Variants in DHX37 observed in about 807,000 individuals in gnomAD.
The protein encoded by DHX37 is DEAH-box helicase 37.
In DHX37, 52 loss-of-function variants were observed where a neutral mutation model predicts 134.3. That is an observed-to-expected ratio of 0.39 (90% CI 0.31 to 0.49). DHX37 has a LOEUF of 0.49. Ranked by LOEUF, DHX37 falls within the 20% of genes least tolerant of loss-of-function variation. The probability of loss-of-function intolerance (pLI) is 0.93; values close to 1 mark genes in which losing one functional copy is unlikely to be tolerated. For missense variants in DHX37, 1,344 were observed against 1,580.8 expected (o/e 0.85, Z 2.54); for synonymous variants, 634 against 670.7 (o/e 0.95, Z 0.85).
intron 6 of DHX37, 99 bp from the exon 7 acceptor site, chr12:124,972,698 G>T: frequency 8.3e-7 from 1 of 1,197,678 alleles, no homozygotes; most frequent in Non-Finnish European, 1.2e-6. Context: ...CAGGCGGCTT[G>T]AGGGCAGGGC....
intron 8 of DHX37, among the ~76,000 whole-genome samples, chr12:124,969,437 A>C (rs907930933): frequency 6.6e-6 from 1 of 152,086 alleles, no homozygotes; most frequent in Non-Finnish European, 1.5e-5. Flanking sequence ...CGAAACCCCA[A>C]ACCCAGAAGC....
chr12:124,968,239 T>A (rs1362344219), intron 10 of DHX37, among the ~76,000 whole-genome samples: 1 of 152,150 alleles, frequency 6.6e-6, no homozygotes, highest in Non-Finnish European at 1.5e-5. Context: ...CCCGTTCCCC[T>A]ACAGTGTCTA....
rs761844194 is a variant in DHX37 at position 124,965,680 on chromosome 12, C to T, written c.1723G>A (p.Gly575Arg). The change falls in exon 13 of 27, where the codon GGG becomes AGG. Residue 575 changes from glycine (G) to arginine (R), a missense_variant. Around this residue, in one of 7 missense-constraint regions of DHX37, gnomAD observed 289 missense variants for 323.8 expected, o/e 0.89. Coordinates refer to ENST00000308736, the MANE Select transcript of DHX37 (RefSeq NM_032656.4). The stretch of plus-strand genomic sequence containing the variant: ...GCTCGGGCCACACCTCCATCTTGCC[C>T]GCCATCCCCCAGGTCCAGATCGAGG... Reference protein sequence around the residue: ...SDLDLDLGDGGQDGGEQPDAS... With the variant: ...SDLDLDLGDGRQDGGEQPDAS... 6.8e-6 allele frequency: 11 copies of T among 1,608,216 alleles called. No individual in the cohort carries two copies. The highest frequency in any genetic ancestry group is 1.7e-5 in the Admixed American group (1 of 59,520).
chr12:124,953,752 G>A, intron 20 of DHX37, 128 bp downstream of exon 20: 2 of 1,415,152 alleles, frequency 1.4e-6, no homozygotes, highest in South Asian at 1.4e-5. Context: ...TTGATTTAGG[G>A]TTATAAATAC....
Position 124,980,201 on chromosome 12 carries a change from C to A in DHX37, c.738+289G>T, listed in dbSNP as rs139471653. 7.9e-5 allele frequency among the ~76,000 whole-genome samples: 12 copies of A among 152,350 alleles called. No individual in the cohort carries two copies. The highest frequency in any genetic ancestry group is 2.9e-4 in the African/African-American group (12 of 41,594). On this transcript the variant is annotated intron_variant, in intron 4 of 26. Coordinates refer to ENST00000308736, the MANE Select transcript of DHX37 (RefSeq NM_032656.4). The surrounding 1 kb of genome is among the most constrained non-coding windows in gnomAD (Gnocchi z 5.3). ...AAACTCTTGTCTGGATCGGGGCAGCCCAGGCCAGGCCCGCTGGTCAGAGGG... is the reference window on the plus strand; with the variant it reads ...AAACTCTTGTCTGGATCGGGGCAGCACAGGCCAGGCCCGCTGGTCAGAGGG...
chr12:124,963,370 G>A (rs993308331), intron 15 of DHX37, among the ~76,000 whole-genome samples: 3 of 152,290 alleles, frequency 2.0e-5, no homozygotes, highest in East Asian at 3.9e-4. Context: ...AAGAAGGGGG[G>A]TGACTGCAGT....
rs775112969 is a variant in DHX37, at chr12:124,986,081, C to T, written c.276+15G>A. On this transcript the variant is annotated intron_variant, in intron 2 of 26. Transcript: ENST00000308736. ...CTGGAGAGCCACTTGCAGACCCTGC[C>T]CGAGTGGGGTGTACCTGGCTCTTTT... 6 of 1,612,878 alleles carry T rather than the reference C, an allele frequency of 3.7e-6. No homozygotes were observed. The Admixed American group carries it at 1.0e-4, about 27-fold the overall frequency.
At chr12:124,967,009 AG>A (rs1249790503) in intron 11 of DHX37, 113 bp downstream of exon 11, 1 of 1,531,710 alleles carries the variant, frequency 6.5e-7, no homozygotes, top group Admixed American at 1.7e-5. Flanking sequence ...GGGATGGCAA[AG>A]GTGCTGATGC....
intron 6 of DHX37, among the ~76,000 whole-genome samples, chr12:124,975,037 A>G (rs1446032119): frequency 2.0e-5 from 3 of 152,106 alleles, no homozygotes; most frequent in Non-Finnish European, 4.4e-5. Flanking sequence ...TGGCCTCCCA[A>G]AGCGCTGGAA....
intron 4 of DHX37, among the ~76,000 whole-genome samples, chr12:124,979,228 C>T (rs1594508486): frequency 6.6e-6 from 1 of 152,088 alleles, no homozygotes; most frequent in South Asian, 2.1e-4. Flanking sequence ...GTTAGCCAAG[C>T]GTAGTAGCGT....
At chr12:124,954,019 GCTCT>G (rs765729465) in intron 19 of DHX37, 23 bp from the exon 20 acceptor site, 2 of 1,613,518 alleles carry the variant, frequency 1.2e-6, no homozygotes, top group Non-Finnish European at 1.7e-6. Context: ...GAGGGGGCAT[GCTCT>G]CTCTCTGACC....
chr12:124,977,753 G>C (rs374091567), intron 4 of DHX37, among the ~76,000 whole-genome samples: 1 of 152,296 alleles, frequency 6.6e-6, no homozygotes, highest in East Asian at 1.9e-4. Context: ...GGGAACCCTC[G>C]GCTGTTGCTG....
intron 15 of DHX37, 148 bp downstream of exon 15, chr12:124,964,246 G>A (rs915661288): frequency 8.8e-7 from 1 of 1,130,806 alleles, no homozygotes; most frequent in Non-Finnish European, 1.2e-6. Flanking sequence ...GCCAGCAAAA[G>A]GGCTGGGGAG....
chr12:124,960,200 A>G, intron 16 of DHX37, 112 bp downstream of exon 16: 1 of 1,500,638 alleles, frequency 6.7e-7, no homozygotes, highest in Non-Finnish European at 8.9e-7. Context: ...CTGTTGTGTA[A>G]GCAGCTGCCG....
At chr12:124,967,656 G>A (rs1488091108) in intron 10 of DHX37, among the ~76,000 whole-genome samples, 3 of 152,224 alleles carry the variant, frequency 2.0e-5, no homozygotes, top group Non-Finnish European at 4.4e-5. Context: ...AGAGCATCAC[G>A]AAGCAGCAAC....
chr12:124,964,703 G>A, intron 14 of DHX37, 77 bp from the exon 15 acceptor site: 1 of 1,571,428 alleles, frequency 6.4e-7, no homozygotes, highest in Non-Finnish European at 8.6e-7. Context: ...CAAGGACAAA[G>A]CCAGCCAGGC....
Position 124,966,686 on chromosome 12 carries a change from T to C in DHX37, c.1590+107A>G, listed in dbSNP as rs181152757. On this transcript the variant is annotated intron_variant, in intron 12 of 26. Transcript: ENST00000308736. ...ACCAGGAACTGGATTTTTAACTTCA[T>C]TTTATTCCAATTACACTTAAACCTA... The C allele has an allele frequency of 9.6e-4, 1,164 of 1,217,768 alleles. 3 individuals are homozygous for C. Among genetic ancestry groups the C allele is most frequent in the Non-Finnish European group, 1.2e-3 (1,026 of 839,968 alleles). 75.4% of individuals were successfully genotyped at this position (1,217,768 alleles called of 1,614,324 possible). A position where few individuals can be genotyped will look rare whatever the true frequency, so the allele number is the denominator to read the frequency against.
chr12:124,969,874 T>C (rs144542256), intron 8 of DHX37, among the ~76,000 whole-genome samples: 1 of 151,684 alleles, frequency 6.6e-6, no homozygotes, highest in African/African-American at 2.4e-5. Flanking sequence ...TGAGCTGTGA[T>C]TGCACCGCTG....
In DHX37 at chr12:124,966,655, T is replaced by C. The variant is rs1954395252; in HGVS notation, c.1590+138A>G. ...CTGGAATTACAGGCATGAGCCACTGTGCCTGACCAGGAACTGGATTTTTAA... is the reference window on the plus strand; with the variant it reads ...CTGGAATTACAGGCATGAGCCACTGCGCCTGACCAGGAACTGGATTTTTAA... On this transcript the variant is annotated intron_variant, in intron 12 of 26. Transcript: ENST00000308736. 3 of 894,716 alleles carry C rather than the reference T, an allele frequency of 3.4e-6. No individual in the cohort carries two copies. The South Asian group carries it at 4.9e-5, about 15-fold the overall frequency. The allele number at this position is 894,716 out of a possible 1,614,324, so 55.4% of individuals were successfully genotyped here.
Sources: allele counts gnomAD v4.1 joint callset (sites outside exome capture counted in the v4.1 genomes callset), GRCh38; gene constraint gnomAD v4.1.1; regional missense constraint gnomAD v4.1.1; non-coding constraint Gnocchi (gnomAD v3.1); transcripts MANE v1.5; gene names NCBI Gene and HGNC (gene_info 2026-07-23, HGNC 2026-07-21).